Variants in SUPT3H observed in about 807,000 individuals in gnomAD.
SUPT3H encodes SPT3 homolog, SAGA and STAGA complex component.
SUPT3H carries 44 observed loss-of-function variants against 44.3 expected under a neutral mutation model. That is an observed-to-expected ratio of 0.99 (90% confidence interval 0.78 to 1.28). SUPT3H has a LOEUF of 1.28. SUPT3H is among the 50% of genes most tolerant of loss of function. The pLI, the probability that SUPT3H is intolerant of heterozygous loss-of-function variation, is 0.00. For missense variants in SUPT3H, 380 were observed against 387.1 expected (o/e 0.98, Z 0.15); for synonymous variants, 124 against 125.6 (o/e 0.99, Z 0.09).
chr6:45,271,029 A>T (rs1315285923), intron 2 of SUPT3H, among the ~76,000 whole-genome samples: 1 of 152,216 alleles, frequency 6.6e-6, no homozygotes, highest in Non-Finnish European at 1.5e-5. Flanking sequence ...AATTTAGGGT[A>T]TCTGACAGAA....
chr6:45,163,317 C>T (rs192033403), intron 2 of SUPT3H, among the ~76,000 whole-genome samples: 25 of 152,176 alleles, frequency 1.6e-4, no homozygotes, highest in Non-Finnish European at 2.9e-4. Flanking sequence ...ACTACAATAC[C>T]GCACTTAACT....
intron 2 of SUPT3H, among the ~76,000 whole-genome samples, chr6:45,140,835 C>T (rs1187810992): frequency 6.6e-6 from 1 of 152,044 alleles, no homozygotes; most frequent in African/African-American, 2.4e-5. Flanking sequence ...TCAGGAAGCC[C>T]CATTCCTAGG....
chr6:45,269,108 T>C (rs868153182), intron 2 of SUPT3H, among the ~76,000 whole-genome samples: 2 of 152,068 alleles, frequency 1.3e-5, no homozygotes, highest in African/African-American at 2.4e-5. Context: ...AGAAAGAAAT[T>C]TGAGCAGCAC....
chr6:44,988,526 A>AAT (rs1254373466), intron 6 of SUPT3H, among the ~76,000 whole-genome samples: 1 of 148,724 alleles, frequency 6.7e-6, no homozygotes, highest in Non-Finnish European at 1.5e-5. Context: ...AAATAAAAAA[A>AAT]AAAAAAAAAA....
intron 10 of SUPT3H, among the ~76,000 whole-genome samples, chr6:44,896,008 T>A (rs80283697): frequency 0.015 from 2,315 of 152,184 alleles, 31 homozygotes; most frequent in Middle Eastern, 0.041. Flanking sequence ...ATATGTCCCA[T>A]GGGCATTCAG....
chr6:45,296,830 T>G (rs1427912103), intron 2 of SUPT3H, among the ~76,000 whole-genome samples: 2 of 141,508 alleles, frequency 1.4e-5, no homozygotes, highest in African/African-American at 2.6e-5. Flanking sequence ...AAATCACCAC[T>G]AAAGAACTTA....
chr6:45,071,968 C>G (rs1455438976), intron 3 of SUPT3H, among the ~76,000 whole-genome samples: 1 of 152,144 alleles, frequency 6.6e-6, no homozygotes. Context: ...CTACAGTGCC[C>G]TGTCATTGAG....
chr6:45,030,510 C>G (rs1018996374), intron 3 of SUPT3H, among the ~76,000 whole-genome samples: 1 of 152,082 alleles, frequency 6.6e-6, no homozygotes, highest in Non-Finnish European at 1.5e-5. Context: ...TTTTTCAGAA[C>G]TCTTCCTCAT....
intron 6 of SUPT3H, among the ~76,000 whole-genome samples, chr6:45,001,318 T>A (rs1474062867): frequency 6.6e-6 from 1 of 152,070 alleles, no homozygotes; most frequent in Non-Finnish European, 1.5e-5. Flanking sequence ...TAAAAGGATG[T>A]TCTGAGATCA....
At chr6:45,164,761 A>G (rs967174708) in intron 2 of SUPT3H, among the ~76,000 whole-genome samples, 5 of 152,154 alleles carry the variant, frequency 3.3e-5, no homozygotes, top group African/African-American at 1.2e-4. Flanking sequence ...TGTCATAAAA[A>G]TTCATCCCAC....
intron 6 of SUPT3H, among the ~76,000 whole-genome samples, chr6:44,988,760 T>C (rs1325993742): frequency 1.3e-5 from 2 of 152,114 alleles, no homozygotes; most frequent in Non-Finnish European, 2.9e-5. Context: ...TATTGCCACA[T>C]GTATTTCCAG....
intron 3 of SUPT3H, among the ~76,000 whole-genome samples, chr6:45,060,547 A>G (rs180944853): frequency 6.6e-6 from 1 of 152,268 alleles, no homozygotes; most frequent in Admixed American, 6.5e-5. Context: ...AGATTTCATG[A>G]CAAAACCACC....
At chr6:45,248,184 C>T (rs556172555) in intron 2 of SUPT3H, among the ~76,000 whole-genome samples, 1 of 152,050 alleles carries the variant, frequency 6.6e-6, no homozygotes, top group Admixed American at 6.5e-5. Flanking sequence ...TGTTTATGTA[C>T]AGAGTTCCTA....
chr6:44,854,498 G>A (rs945547301), intron 10 of SUPT3H, among the ~76,000 whole-genome samples: 2 of 152,074 alleles, frequency 1.3e-5, no homozygotes, highest in Non-Finnish European at 2.9e-5. Flanking sequence ...GTTCTGGAGC[G>A]GGAGAGCTTA....
chr6:45,240,497 A>T (rs1297563556), intron 2 of SUPT3H, among the ~76,000 whole-genome samples: 1 of 152,262 alleles, frequency 6.6e-6, no homozygotes, highest in Non-Finnish European at 1.5e-5. Context: ...TGCTCCTATA[A>T]TTAGGCGTAC....
chr6:45,295,982 T>C (rs936601227), intron 2 of SUPT3H, among the ~76,000 whole-genome samples: 1 of 152,010 alleles, frequency 6.6e-6, no homozygotes, highest in Non-Finnish European at 1.5e-5. Context: ...CCTGGGTATC[T>C]ACCCAGAGGA....
chr6:44,944,781 A>AAAAAAG (rs1185186363), intron 9 of SUPT3H, among the ~76,000 whole-genome samples: 8 of 137,042 alleles, frequency 5.8e-5, no homozygotes, highest in Non-Finnish European at 8.3e-5. Flanking sequence ...AAAAAAAAAA[A>AAAAAAG]AAAAGAAAAG....
intron 3 of SUPT3H, among the ~76,000 whole-genome samples, chr6:45,078,279 G>T (rs1247313469): frequency 6.6e-6 from 1 of 151,954 alleles, no homozygotes; most frequent in Non-Finnish European, 1.5e-5. Context: ...TTAAATGTTG[G>T]TCACATAAAA....
At chr6:44,995,428 A>G (rs1012501625) in intron 6 of SUPT3H, among the ~76,000 whole-genome samples, 2 of 152,084 alleles carry the variant, frequency 1.3e-5, no homozygotes, top group Non-Finnish European at 2.9e-5. Context: ...TTAAAAGGAA[A>G]AACATGCATA....
Sources: gnomAD v4.1 joint callset for allele counts (sites outside exome capture counted in the v4.1 genomes callset) on GRCh38, gnomAD v4.1.1 for gene constraint, MANE v1.5 for transcripts, NCBI Gene and HGNC (gene_info 2026-07-23, HGNC 2026-07-21) for gene names.